MYLK: variants seen among roughly 807,000 people sequenced by gnomAD.
The protein encoded by MYLK is myosin light chain kinase, smooth muscle.
Under a neutral mutation model 203.4 loss-of-function variants are expected in MYLK, and 106 were observed. The observed-to-expected ratio is 0.52, with a 90% CI of 0.45 to 0.61. The LOEUF (loss-of-function observed/expected upper bound fraction) is 0.61, where lower values mean the gene tolerates loss of function less well. MYLK is among the 20% of genes least tolerant of loss of function. MYLK has a pLI of 0.00. For missense variants in MYLK, 2,072 were observed against 2,442.3 expected, an observed-to-expected ratio of 0.85 and a Z score of 3.20; for synonymous variants, 867 against 959.5, an observed-to-expected ratio of 0.90 and a Z score of 1.78.
intron 4 of MYLK, among the ~76,000 whole-genome samples, chr3:123,789,594 G>T (rs1221232363): frequency 6.6e-6 from 1 of 150,762 alleles, no homozygotes; most frequent in Non-Finnish European, 1.5e-5. Context: ...GTCTAAAGGT[G>T]GAAATGAGAT....
rs188664391 is a variant in MYLK, at chr3:123,791,518, C to T, written c.165+2159G>A. ...GCATTTTCTTCTACAGTCTCTCCCT[C>T]TGCATTTGTCTCTGCAAGACAGCTG... On this transcript the variant is annotated intron_variant, in intron 4 of 33. Coordinates refer to ENST00000360304, the MANE Select transcript of MYLK (RefSeq NM_053025.4). Among the ~76,000 whole-genome samples, 429 of 152,344 alleles carry T rather than the reference C, an allele frequency of 2.8e-3. 2 individuals carry two copies. Among genetic ancestry groups the T allele is most frequent in the Middle Eastern group, 6.8e-3 (2 of 294 alleles).
At chr3:123,652,294 A>T (rs1431203450) in intron 24 of MYLK, among the ~76,000 whole-genome samples, 1 of 135,604 alleles carries the variant, frequency 7.4e-6, no homozygotes, top group Non-Finnish European at 1.5e-5. Context: ...CACTGAACTT[A>T]AAAAAAAAAA....
Position 123,793,790 on chromosome 3 carries a change from T to C in MYLK, c.52A>G (p.Ser18Gly), listed in dbSNP as rs2064880654. 2 of 1,614,158 alleles carry C rather than the reference T, an allele frequency of 1.2e-6. No individual in the cohort carries two copies. Among genetic ancestry groups the C allele is most frequent in the East Asian group, 4.5e-5 (2 of 44,874 alleles). The stretch of plus-strand genomic sequence containing the variant: ...GAGTCAACTCTTGAGGGATCCACAC[T>C]GAGGGAGGTTTTGGAAATGTGTGAC... ...ASSHISKTSL[S>G]VDPSRVDSMP... is the part of the protein sequence containing the mutation. Residue 18 changes from serine (S) to glycine (G), a missense_variant, in exon 4 of 34, where the codon AGT becomes GGT. Transcript: ENST00000360304.
intron 2 of MYLK, among the ~76,000 whole-genome samples, chr3:123,841,991 T>C (rs922479701): frequency 6.6e-6 from 1 of 152,150 alleles, no homozygotes; most frequent in African/African-American, 2.4e-5. Flanking sequence ...CATCCAGGTA[T>C]ACTCATGTCT....
rs533626425 is a variant in MYLK, at chr3:123,775,891, C to T, written c.165+17786G>A. Among the ~76,000 whole-genome samples the T allele has an allele frequency of 4.6e-5, 7 of 152,318 alleles. No homozygotes were observed. The East Asian group carries it at 1.4e-3, about 29-fold the overall frequency. ...CCTTTGGTTTTCACTTCTTAATCACCTACTGTGTGTCAGGCATCATGGTAG... is the reference window on the plus strand; with the variant it reads ...CCTTTGGTTTTCACTTCTTAATCACTTACTGTGTGTCAGGCATCATGGTAG... On this transcript the variant is annotated intron_variant, in intron 4 of 33. Coordinates refer to ENST00000360304, the MANE Select transcript of MYLK (RefSeq NM_053025.4).
chr3:123,734,410 GC>G (rs2062603928), intron 9 of MYLK, 188 bp from the exon 10 acceptor site: 1 of 574,148 alleles, frequency 1.7e-6, no homozygotes, highest in African/African-American at 1.9e-5. Context: ...AGCACAAGCA[GC>G]CATTCCCGAC....
At chr3:123,784,403 T>TA (rs1553847407) in intron 4 of MYLK, among the ~76,000 whole-genome samples, 10 of 147,694 alleles carry the variant, frequency 6.8e-5, no homozygotes, top group Admixed American at 1.3e-4. Flanking sequence ...TTTTTTTTTT[T>TA]ACCTCTGTCA....
intron 2 of MYLK, among the ~76,000 whole-genome samples, chr3:123,850,588 GTTGT>G (rs1392767328): frequency 2.6e-5 from 4 of 152,120 alleles, no homozygotes; most frequent in Non-Finnish European, 5.9e-5. Context: ...TTTTGATGGG[GTTGT>G]TTGTTTTTTT....
At chr3:123,705,882 C>T (rs1312137576) in intron 16 of MYLK, among the ~76,000 whole-genome samples, 1 of 152,188 alleles carries the variant, frequency 6.6e-6, no homozygotes, top group African/African-American at 2.4e-5. Flanking sequence ...TCTCAAAGTG[C>T]TACTCCTTCT....
intron 4 of MYLK, among the ~76,000 whole-genome samples, chr3:123,775,887 T>C (rs1271629625): frequency 1.3e-5 from 2 of 152,186 alleles, no homozygotes; most frequent in East Asian, 3.9e-4. Context: ...CACTTCTTAA[T>C]CACCTACTGT....
chr3:123,781,819 A>G (rs1469451550), intron 4 of MYLK, among the ~76,000 whole-genome samples: 2 of 152,152 alleles, frequency 1.3e-5, no homozygotes, highest in African/African-American at 4.8e-5. Context: ...TAGCCAGCTC[A>G]TGGTAAAGTG....
intron 20 of MYLK, among the ~76,000 whole-genome samples, chr3:123,675,603 A>G (rs2060048015): frequency 6.6e-6 from 1 of 152,232 alleles, no homozygotes; most frequent in East Asian, 1.9e-4. Flanking sequence ...GGGTACAGGG[A>G]GGTCCCTGGA....
At chr3:123,780,673 C>T (rs779883205) in intron 4 of MYLK, among the ~76,000 whole-genome samples, 1 of 152,154 alleles carries the variant, frequency 6.6e-6, no homozygotes, top group African/African-American at 2.4e-5. Flanking sequence ...CGACAAGCTG[C>T]CCAGTAAACA....
intron 3 of MYLK, among the ~76,000 whole-genome samples, chr3:123,807,181 C>A (rs558859060): frequency 6.6e-6 from 1 of 152,096 alleles, no homozygotes; most frequent in African/African-American, 2.4e-5. Context: ...GTAATCCCAG[C>A]ACTTTGAGAA....
chr3:123,833,551 G>A (rs1369311088), intron 2 of MYLK, among the ~76,000 whole-genome samples: 1 of 151,922 alleles, frequency 6.6e-6, no homozygotes, highest in Admixed American at 6.6e-5. Context: ...AGGCCCCTGG[G>A]TGCTCTGTCA....
chr3:123,807,203 G>A (rs1330734108), intron 3 of MYLK, among the ~76,000 whole-genome samples: 1 of 152,006 alleles, frequency 6.6e-6, no homozygotes, highest in Non-Finnish European at 1.5e-5. Context: ...CCAAGGCGGG[G>A]GCATGACCTG....
chr3:123,871,326 T>C (rs899227886), intron 2 of MYLK, among the ~76,000 whole-genome samples: 2 of 151,860 alleles, frequency 1.3e-5, no homozygotes, highest in African/African-American at 4.8e-5. Context: ...GAATATATGA[T>C]AAAGAAAAAC....
rs145776986 is a variant in MYLK at position 123,633,157 on chromosome 3, G to A, written c.4962-3531C>T. Reference sequence around the variant, plus strand: ...TTTTATTTTTTTGAGACAGAGTCTCGCTCTGTCACCCAGGCTGGAATACAG... The same window carrying A: ...TTTTATTTTTTTGAGACAGAGTCTCACTCTGTCACCCAGGCTGGAATACAG... On this transcript the variant is annotated intron_variant, in intron 29 of 33. Coordinates refer to ENST00000360304, the MANE Select transcript of MYLK (RefSeq NM_053025.4). 4.3e-3 allele frequency among the ~76,000 whole-genome samples: 644 copies of A among 151,306 alleles called. 4 individuals are homozygous for A. The highest frequency in any genetic ancestry group is 0.015 in the African/African-American group (611 of 41,170).
At chr3:123,776,146 G>A (rs1405844871) in intron 4 of MYLK, among the ~76,000 whole-genome samples, 1 of 152,222 alleles carries the variant, frequency 6.6e-6, no homozygotes, top group East Asian at 1.9e-4. Context: ...AAGAGGCCAA[G>A]CTGCAGGGCA....
Sources: allele counts gnomAD v4.1 joint callset (sites outside exome capture counted in the v4.1 genomes callset), GRCh38; gene constraint gnomAD v4.1.1; transcripts MANE v1.5; gene names NCBI Gene and HGNC (gene_info 2026-07-23, HGNC 2026-07-21).